Variants in E2F5 observed in about 807,000 individuals in gnomAD.
E2F5 encodes E2F transcription factor 5.
In E2F5, 23 loss-of-function variants were observed where a neutral mutation model predicts 39.1. The ratio of observed to expected loss-of-function variants is 0.59; its 90% confidence interval spans 0.42 to 0.83. The LOEUF is 0.83. Ranked by LOEUF, E2F5 falls within the 40% of genes least tolerant of loss-of-function variation. E2F5 has a pLI of 0.00. For missense variants in E2F5, 365 were observed against 406.7 expected (o/e 0.90, Z 0.88); for synonymous variants, 145 against 157.8 (o/e 0.92, Z 0.61).
chr8:85,211,643 GTTTTTT>G (rs950695727), intron 6 of E2F5, among the ~76,000 whole-genome samples: 1 of 52,196 alleles, frequency 1.9e-5, no homozygotes, highest in African/African-American at 9.1e-5. Flanking sequence ...GTTTGTTGTT[GTTTTTT>G]TTTTTTTTTT....
intron 1 of E2F5, among the ~76,000 whole-genome samples, chr8:85,186,506 T>TA (rs1812337013): frequency 6.6e-6 from 1 of 151,118 alleles, no homozygotes; most frequent in African/African-American, 2.4e-5. Context: ...AAGGTGTGTG[T>TA]ATGTGTGTGT....
intron 1 of E2F5, among the ~76,000 whole-genome samples, chr8:85,184,755 A>C (rs1322673963): frequency 6.6e-6 from 1 of 152,232 alleles, no homozygotes; most frequent in East Asian, 1.9e-4. Context: ...GTGGACTCCC[A>C]TTCACAATTG....
intron 1 of E2F5, among the ~76,000 whole-genome samples, chr8:85,180,420 T>G (rs1812178129): frequency 6.6e-6 from 1 of 151,046 alleles, no homozygotes; most frequent in African/African-American, 2.4e-5. Flanking sequence ...TTCTCTTGTA[T>G]TCTTACTTTG....
At chr8:85,213,520 A>G (rs1374257561) in intron 7 of E2F5, 7 of 236,142 alleles carry the variant, frequency 3.0e-5, no homozygotes, top group Non-Finnish European at 5.5e-5. Context: ...TCCAGCCTGG[A>G]CGAAACAGGG....
At chr8:85,210,824 TTC>T (rs1396078383) in intron 6 of E2F5, among the ~76,000 whole-genome samples, 2 of 152,214 alleles carry the variant, frequency 1.3e-5, no homozygotes, top group East Asian at 3.8e-4. Flanking sequence ...AAAGTGAGTA[TTC>T]TGTTTTTATG....
At chr8:85,195,028 A>C (rs1421203348) in intron 1 of E2F5, among the ~76,000 whole-genome samples, 1 of 152,034 alleles carries the variant, frequency 6.6e-6, no homozygotes, top group African/African-American at 2.4e-5. Context: ...CACAGCTAAT[A>C]AGTGGGGTCT....
intron 1 of E2F5, among the ~76,000 whole-genome samples, chr8:85,185,751 T>C (rs1049138350): frequency 2.6e-5 from 4 of 152,124 alleles, no homozygotes; most frequent in Middle Eastern, 3.2e-3. Flanking sequence ...AACAAACATA[T>C]GAAAAAATGC....
At chr8:85,189,526 T>A (rs1185157244) in intron 1 of E2F5, among the ~76,000 whole-genome samples, 1 of 152,118 alleles carries the variant, frequency 6.6e-6, no homozygotes, top group Non-Finnish European at 1.5e-5. Context: ...TGAACCACCA[T>A]GCCTGGGTAA....
At chr8:85,207,901 C>T (rs976676382) in intron 5 of E2F5, among the ~76,000 whole-genome samples, 1 of 152,178 alleles carries the variant, frequency 6.6e-6, no homozygotes, top group Non-Finnish European at 1.5e-5. Context: ...CCTAAGATAT[C>T]TATCCCCAAG....
At chr8:85,197,769 C>T (rs1812612092) in intron 1 of E2F5, among the ~76,000 whole-genome samples, 2 of 152,032 alleles carry the variant, frequency 1.3e-5, no homozygotes, top group African/African-American at 4.8e-5. Flanking sequence ...TATACTTATT[C>T]AACAGTTACA....
At chr8:85,206,263 T>A (rs1027242996) in intron 4 of E2F5, 43 bp downstream of exon 4, 2 of 1,569,934 alleles carry the variant, frequency 1.3e-6, no homozygotes, top group African/African-American at 1.4e-5. Flanking sequence ...CCTCTCAACC[T>A]ATTTAGTGGA....
chr8:85,189,989 C>T (rs1812426081), intron 1 of E2F5, among the ~76,000 whole-genome samples: 1 of 152,138 alleles, frequency 6.6e-6, no homozygotes, highest in Admixed American at 6.5e-5. Context: ...ACTCAAAAGC[C>T]AGATGTCATC....
At chr8:85,194,515 GT>G (rs975834565) in intron 1 of E2F5, among the ~76,000 whole-genome samples, 22 of 140,622 alleles carry the variant, frequency 1.6e-4, no homozygotes, top group Non-Finnish European at 9.4e-5. Context: ...TCTCTTTGTT[GT>G]TTTTTTGTTT....
At chr8:85,209,534 A>G in intron 6 of E2F5, 125 bp downstream of exon 6, 2 of 1,150,954 alleles carry the variant, frequency 1.7e-6, no homozygotes, top group Middle Eastern at 2.7e-4. Context: ...GAATATTTGC[A>G]TATACATAAT....
intron 1 of E2F5, among the ~76,000 whole-genome samples, chr8:85,193,347 G>A (rs1384088969): frequency 6.6e-6 from 1 of 152,040 alleles, no homozygotes; most frequent in Non-Finnish European, 1.5e-5. Context: ...AGCTGGGCCT[G>A]GTGGTGGGTG....
intron 2 of E2F5, among the ~76,000 whole-genome samples, chr8:85,202,843 G>C (rs898933068): frequency 6.6e-6 from 1 of 152,050 alleles, no homozygotes; most frequent in African/African-American, 2.4e-5. Context: ...AACCAGTCTG[G>C]CCTTCCAGAT....
intron 1 of E2F5, among the ~76,000 whole-genome samples, chr8:85,190,462 G>A (rs566011602): frequency 1.4e-5 from 2 of 145,974 alleles, no homozygotes; most frequent in South Asian, 2.2e-4. Context: ...GGTCAAAGTT[G>A]CTAATCAGCT....
rs181231152 is a variant in E2F5 at position 85,194,013 on chromosome 8, T to C, written c.235-8134T>C. Among the ~76,000 whole-genome samples, 80 of 152,346 alleles carry C rather than the reference T, an allele frequency of 5.3e-4. No homozygotes were observed. The East Asian group carries it at 0.014, about 28-fold the overall frequency. On this transcript the variant is annotated intron_variant, in intron 1 of 7. Transcript: ENST00000416274. Reference sequence around the variant, plus strand: ...ATTCCTTTATTAACTCATTAAAAGTTTGAAAACTTTTTCAAGAATGGTAAC... The same window carrying C: ...ATTCCTTTATTAACTCATTAAAAGTCTGAAAACTTTTTCAAGAATGGTAAC...
chr8:85,185,194 T>C (rs1812303653), intron 1 of E2F5, among the ~76,000 whole-genome samples: 1 of 152,100 alleles, frequency 6.6e-6, no homozygotes, highest in South Asian at 2.1e-4. Context: ...AACAGAGGCC[T>C]CGGAAATAAA....
Sources: gnomAD v4.1 joint callset for allele counts (sites outside exome capture counted in the v4.1 genomes callset) on GRCh38, gnomAD v4.1.1 for gene constraint, MANE v1.5 for transcripts, NCBI Gene and HGNC (gene_info 2026-07-23, HGNC 2026-07-21) for gene names.